Variants in ERBB4 observed in about 807,000 individuals in gnomAD.
ERBB4 encodes the protein receptor tyrosine-protein kinase erbB-4.
In ERBB4, 42 loss-of-function variants were observed where a neutral mutation model predicts 158.0. The observed-to-expected ratio is 0.27, with a 90% confidence interval of 0.21 to 0.34. The LOEUF (loss-of-function observed/expected upper bound fraction) is 0.34, where lower values mean the gene tolerates loss of function less well. Among genes scored for constraint, ERBB4 ranks in the 10% least tolerant of loss-of-function variants. ERBB4 has a pLI of 1.00. For missense variants in ERBB4, 1,333 were observed against 1,624.1 expected (o/e 0.82, Z 3.08); for synonymous variants, 583 against 558.7 (o/e 1.04, Z -0.61).
chr2:211,703,601 C>T (rs2073331582), intron 11 of ERBB4, among the ~76,000 whole-genome samples: 1 of 152,150 alleles, frequency 6.6e-6, no homozygotes. Flanking sequence ...ATAATTTTAT[C>T]AATGTCCTTC....
chr2:212,496,281 T>TAA (rs36062314), intron 1 of ERBB4, among the ~76,000 whole-genome samples: 10 of 140,986 alleles, frequency 7.1e-5, no homozygotes, highest in East Asian at 2.0e-4. Flanking sequence ...ATTGACCTGG[T>TAA]AAAAAAAAAA....
chr2:212,494,520 AC>A (rs913990020), intron 1 of ERBB4, among the ~76,000 whole-genome samples: 1 of 151,980 alleles, frequency 6.6e-6, no homozygotes, highest in African/African-American at 2.4e-5. Flanking sequence ...ATGGCCTGAG[AC>A]TATACTTTAG....
At chr2:211,863,557 C>G (rs1377751787) in intron 3 of ERBB4, among the ~76,000 whole-genome samples, 2 of 152,184 alleles carry the variant, frequency 1.3e-5, no homozygotes, top group East Asian at 1.9e-4. Flanking sequence ...GAGGAACAAA[C>G]TACTCCAGAC....
At chr2:212,041,589 A>AT (rs1397431283) in intron 2 of ERBB4, among the ~76,000 whole-genome samples, 3 of 151,494 alleles carry the variant, frequency 2.0e-5, no homozygotes, top group Non-Finnish European at 2.9e-5. Context: ...ATCATATTAC[A>AT]TAAAAAAAAA....
At chr2:211,772,239 CT>C (rs2075709287) in intron 4 of ERBB4, among the ~76,000 whole-genome samples, 1 of 150,716 alleles carries the variant, frequency 6.6e-6, no homozygotes, top group Admixed American at 6.6e-5. Context: ...CAAATTGGGG[CT>C]TTTTTCCCCT....
chr2:212,399,200 C>T (rs1047851904), intron 1 of ERBB4, among the ~76,000 whole-genome samples: 41 of 152,018 alleles, frequency 2.7e-4, no homozygotes, highest in Admixed American at 1.4e-3. Context: ...ACCTTGGCCT[C>T]AGAAAGTGCT....
At chr2:211,773,633 T>TTATATATATATA (rs1553630514) in intron 4 of ERBB4, among the ~76,000 whole-genome samples, 9 of 102,840 alleles carry the variant, frequency 8.8e-5, no homozygotes, top group African/African-American at 3.2e-4. Context: ...TATATATATA[T>TTATATATATATA]ATATATATAT....
At chr2:212,391,773 A>G (rs1255104834) in intron 1 of ERBB4, among the ~76,000 whole-genome samples, 3 of 144,650 alleles carry the variant, frequency 2.1e-5, no homozygotes, top group Non-Finnish European at 4.5e-5. Flanking sequence ...TATTATATAT[A>G]TGTCAATATA....
intron 19 of ERBB4, among the ~76,000 whole-genome samples, chr2:211,595,089 ATTTG>A (rs902439944): frequency 2.8e-4 from 42 of 152,320 alleles, no homozygotes; most frequent in Non-Finnish European, 2.9e-5. Flanking sequence ...TTCATAATAA[ATTTG>A]TTTGAGAATA....
intron 20 of ERBB4, among the ~76,000 whole-genome samples, chr2:211,503,900 A>G (rs1472429558): frequency 2.0e-5 from 3 of 152,074 alleles, no homozygotes; most frequent in African/African-American, 7.2e-5. Flanking sequence ...TGGTTGCAGG[A>G]TTGCTAGATT....
chr2:211,701,095 TAAG>T (rs1180290510), intron 12 of ERBB4, among the ~76,000 whole-genome samples: 1 of 151,930 alleles, frequency 6.6e-6, no homozygotes, highest in Non-Finnish European at 1.5e-5. Context: ...TCAGAGTAAA[TAAG>T]AAATTATTCA....
At chr2:212,524,403 A>G (rs1313914350) in intron 1 of ERBB4, among the ~76,000 whole-genome samples, 1 of 152,020 alleles carries the variant, frequency 6.6e-6, no homozygotes, top group Non-Finnish European at 1.5e-5. Flanking sequence ...CATTCTGACT[A>G]ATAATATGAG....
At chr2:211,542,706 T>C (rs189387435) in intron 20 of ERBB4, among the ~76,000 whole-genome samples, 1 of 151,966 alleles carries the variant, frequency 6.6e-6, no homozygotes, top group Non-Finnish European at 1.5e-5. Context: ...TGCATTTTTT[T>C]AATCTCCCAT....
chr2:211,710,374 G>C (rs2073649805), intron 9 of ERBB4, among the ~76,000 whole-genome samples: 1 of 152,036 alleles, frequency 6.6e-6, no homozygotes, highest in South Asian at 2.1e-4. Flanking sequence ...GTGGTATTTG[G>C]TTTTAAATAT....
At chr2:211,531,625 G>A (rs1385270832) in intron 20 of ERBB4, among the ~76,000 whole-genome samples, 1 of 152,100 alleles carries the variant, frequency 6.6e-6, no homozygotes, top group African/African-American at 2.4e-5. Flanking sequence ...TCTCACCCCA[G>A]TTAAAATGGT....
chr2:211,897,844 A>G (rs2079139287), intron 3 of ERBB4, among the ~76,000 whole-genome samples: 2 of 152,048 alleles, frequency 1.3e-5, no homozygotes, highest in Non-Finnish European at 2.9e-5. Flanking sequence ...CCTGGCCTCA[A>G]GGGATCTTCC....
chr2:212,042,998 C>A (rs532572652), intron 2 of ERBB4, among the ~76,000 whole-genome samples: 2 of 152,072 alleles, frequency 1.3e-5, no homozygotes, highest in Non-Finnish European at 2.9e-5. Flanking sequence ...TTTAGCTGTG[C>A]GGCAAAGGAA....
chr2:212,186,294 T>A (rs1283929173), intron 1 of ERBB4, among the ~76,000 whole-genome samples: 1 of 152,198 alleles, frequency 6.6e-6, no homozygotes, highest in Non-Finnish European at 1.5e-5. Flanking sequence ...GCTGCCCACA[T>A]TAATGATGTG....
chr2:211,405,404 ACTT>A (rs1374723460), intron 25 of ERBB4, among the ~76,000 whole-genome samples: 2 of 152,148 alleles, frequency 1.3e-5, no homozygotes, highest in African/African-American at 4.8e-5. Context: ...TGCCAAATGT[ACTT>A]CTTCTTGCCT....
Sources: allele counts gnomAD v4.1 joint callset (sites outside exome capture counted in the v4.1 genomes callset), GRCh38; gene constraint gnomAD v4.1.1; transcripts MANE v1.5; gene names NCBI Gene and HGNC (gene_info 2026-07-23, HGNC 2026-07-21).